Variants in DNAH10 observed in about 807,000 individuals in gnomAD.
DNAH10 encodes axonemal beta dynein heavy chain 10.
A neutral mutation model predicts 506.6 loss-of-function variants in DNAH10; 348 were observed. The ratio of observed to expected loss-of-function variants is 0.69; its 90% CI spans 0.63 to 0.75. The LOEUF (loss-of-function observed/expected upper bound fraction) is 0.75, where lower values mean the gene tolerates loss of function less well. Ranked by LOEUF, DNAH10 falls within the 30% of genes least tolerant of loss-of-function variation. The probability of loss-of-function intolerance (pLI) is 0.00; values close to 1 mark genes in which losing one functional copy is unlikely to be tolerated. For missense variants in DNAH10, 5,179 were observed against 5,787.1 expected (o/e 0.89, Z 3.41); for synonymous variants, 2,059 against 2,198.6 (o/e 0.94, Z 1.78).
rs1387470038 is a variant in DNAH10 at position 123,818,932 on chromosome 12, T to G, written c.3781-18T>G. 1 of 1,521,222 alleles carries G rather than the reference T, an allele frequency of 6.6e-7. No individual in the cohort carries two copies. 94.2% of individuals were successfully genotyped at this position (1,521,222 alleles called of 1,614,324 possible). A position where few individuals can be genotyped will look rare whatever the true frequency, so the allele number is the denominator to read the frequency against. On this transcript the variant is annotated intron_variant, in intron 21 of 78. Transcript: ENST00000673944. ...TCATCATTTGTTGTTTATTCTGTTTTTTGTTTCTCCTAATTAGCCTCCTGA... is the reference window on the plus strand; with the variant it reads ...TCATCATTTGTTGTTTATTCTGTTTGTTGTTTCTCCTAATTAGCCTCCTGA...
rs140148939 is a variant in DNAH10 at position 123,789,544 on chromosome 12, C to A, written c.1621-383C>A. ...GATTACAGGCATGCACCACCACACC[C>A]GGCTAATTTTTGTATTTTTAGCAGA... On this transcript the variant is annotated intron_variant, in intron 10 of 78. Transcript: ENST00000673944. Among the ~76,000 whole-genome samples the A allele has an allele frequency of 9.7e-3, 1,474 of 152,130 alleles. 18 individuals are homozygous for A. The highest frequency in any genetic ancestry group is 0.016 in the Non-Finnish European group (1,064 of 67,988).
chr12:123,832,513 AT>A (rs879362943), intron 26 of DNAH10, among the ~76,000 whole-genome samples: 219 of 146,830 alleles, frequency 1.5e-3, no homozygotes, highest in Non-Finnish European at 1.3e-3. Flanking sequence ...ATCAATACAG[AT>A]TTTTTTTTTT....
Position 123,924,722 on chromosome 12 carries a change from C to T in DNAH10, c.11766+290C>T, listed in dbSNP as rs530944916. Among the ~76,000 whole-genome samples the T allele has an allele frequency of 9.1e-4, 139 of 152,186 alleles. 2 individuals carry two copies. Among genetic ancestry groups the T allele is most frequent in the African/African-American group, 3.2e-3 (133 of 41,508 alleles). On this transcript the variant is annotated intron_variant, in intron 67 of 78. Coordinates refer to ENST00000673944, the MANE Select transcript of DNAH10 (RefSeq NM_001372106.1). ...TTCATCTACCCATCTGCCCACCCACCCATCTACTCATCCATCCATCCATCC... is the reference window on the plus strand; with the variant it reads ...TTCATCTACCCATCTGCCCACCCACTCATCTACTCATCCATCCATCCATCC...
intron 46 of DNAH10, among the ~76,000 whole-genome samples, chr12:123,874,520 C>T (rs11833681): frequency 0.034 from 5,136 of 151,654 alleles, 254 homozygotes; most frequent in African/African-American, 0.11. Flanking sequence ...TCCATCTACC[C>T]GTCCATTTAT....
intron 69 of DNAH10, chr12:123,927,080 T>C (rs189176141): frequency 1.6e-4 from 77 of 472,970 alleles, no homozygotes; most frequent in African/African-American, 1.4e-3. Flanking sequence ...TCTCACTCTG[T>C]CACCCAGGCT....
intron 57 of DNAH10, chr12:123,908,676 G>A (rs1278984519): frequency 2.4e-6 from 1 of 412,390 alleles, no homozygotes; most frequent in Non-Finnish European, 4.9e-6. Flanking sequence ...CGTTCTGGAG[G>A]AGCAGAGTGA....
At position 123,916,484 on chromosome 12, in the gene DNAH10, C is replaced by T. The variant is rs758664143; in HGVS notation, c.10750C>T (p.Leu3584Phe). Reference protein sequence around the residue: ...RVASFNDPDFLKQLEMSIKYG... With the variant: ...RVASFNDPDFFKQLEMSIKYG... ...CGCTTCCTTTAATGACCCTGACTTC[C>T]TCAAGCAGCTAGAGATGTCCATAAA... Residue 3584 changes from leucine (L) to phenylalanine (F), a missense_variant, in exon 63 of 79, where the codon CTC (leucine) becomes TTC (phenylalanine). Physicochemically the swap from Leu to Phe is conservative, Grantham distance 22. This residue lies in a region of DNAH10 where 4,844 missense variants were observed against 5,430.5 expected (regional missense o/e 0.89). Coordinates refer to ENST00000673944, the MANE Select transcript of DNAH10 (RefSeq NM_001372106.1). This position sits in a 1 kb window ranked among gnomAD's most constrained non-coding sequence, Gnocchi z 4.6. The T allele has an allele frequency of 6.2e-7, 1 of 1,612,128 alleles. No homozygotes were observed. Among genetic ancestry groups the T allele is most frequent in the Admixed American group, 1.7e-5 (1 of 59,800 alleles).
chr12:123,839,459 A>G (rs752002482), intron 29 of DNAH10, among the ~76,000 whole-genome samples: 10 of 152,136 alleles, frequency 6.6e-5, no homozygotes, highest in Non-Finnish European at 1.0e-4. Flanking sequence ...AGCTGTTGTA[A>G]AAATGAAATG....
Position 123,916,567 on chromosome 12 carries a change from C to A in DNAH10, c.10833C>A (p.Asp3611Glu), listed in dbSNP as rs753220452. The A allele has an allele frequency of 6.2e-7, 1 of 1,613,890 alleles. No homozygotes were observed. Among genetic ancestry groups the A allele is most frequent in the Admixed American group, 1.7e-5 (1 of 60,020 alleles). Reference sequence around the variant, plus strand: ...ATGAATACATCGATCCTGTGATTGACAACGTCTTAGAAAAAAATATAAAAG... The same window carrying A: ...ATGAATACATCGATCCTGTGATTGAAAACGTCTTAGAAAAAAATATAAAAG... ...DVDEYIDPVI[D>E]NVLEKNIKVS... Residue 3611 changes from aspartate to glutamate, a missense_variant, in exon 63 of 79, where the codon GAC becomes GAA. Asp to Glu is a conservative substitution (Grantham distance 45, BLOSUM62 2). Transcript: ENST00000673944. This position sits in a 1 kb window ranked among gnomAD's most constrained non-coding sequence, Gnocchi z 4.6.
intron 21 of DNAH10, 186 bp downstream of exon 21, chr12:123,814,098 A>G (rs1959052032): frequency 3.6e-6 from 2 of 561,712 alleles, no homozygotes; most frequent in Non-Finnish European, 6.0e-6. Context: ...GTATTTTTCA[A>G]TCTGTATGGC....
Position 123,913,823 on chromosome 12 carries a change from G to GT in DNAH10, c.10353-505dup, listed in dbSNP as rs1566094173. ...GGCAACAATTTTGAATCTAGCATCT[G>GT]TAAGTGTGGTGTAGAAAACACTGAA... On this transcript the variant is annotated intron_variant, in intron 60 of 78. Transcript: ENST00000673944. This position sits in a 1 kb window ranked among gnomAD's most constrained non-coding sequence, Gnocchi z 5.1. Among the ~76,000 whole-genome samples the GT allele has an allele frequency of 6.6e-6, 1 of 152,236 alleles. No homozygotes were observed. Among genetic ancestry groups the GT allele is most frequent in the African/African-American group, 2.4e-5 (1 of 41,464 alleles).
chr12:123,788,105 C>A, intron 10 of DNAH10, 103 bp downstream of exon 10: 1 of 1,327,464 alleles, frequency 7.5e-7, no homozygotes, highest in Non-Finnish European at 1.1e-6. Context: ...TCAGAAAGGG[C>A]CTGGCAGGGA....
chr12:123,856,535 C>T (rs1951398924), intron 36 of DNAH10, among the ~76,000 whole-genome samples: 1 of 150,686 alleles, frequency 6.6e-6, no homozygotes, highest in Non-Finnish European at 1.5e-5. Context: ...TGTGATTTCA[C>T]CATGTCGGCC....
At chr12:123,922,060 G>A (rs925375116) in intron 65 of DNAH10, among the ~76,000 whole-genome samples, 11 of 151,820 alleles carry the variant, frequency 7.2e-5, no homozygotes, top group African/African-American at 2.7e-4. Context: ...CAATTTTCTG[G>A]GAGCTTATAC....
intron 4 of DNAH10, among the ~76,000 whole-genome samples, chr12:123,773,547 CT>C (rs1298622913): frequency 6.6e-6 from 1 of 152,200 alleles, no homozygotes; most frequent in East Asian, 1.9e-4. Context: ...TCTCACAGCT[CT>C]GGAGGCTGGG....
intron 60 of DNAH10, among the ~76,000 whole-genome samples, chr12:123,914,021 A>T (rs1385737344): frequency 6.6e-6 from 1 of 152,158 alleles, no homozygotes; most frequent in Non-Finnish European, 1.5e-5. Context: ...TATGTCTTTG[A>T]TTAAGGCTTC....
rs1356305737 is a variant in DNAH10 at position 123,903,420 on chromosome 12, G to A, written c.9815+307G>A. Among the ~76,000 whole-genome samples the A allele has an allele frequency of 6.6e-6, 1 of 152,194 alleles. No homozygotes were observed. The highest frequency in any genetic ancestry group is 2.4e-5 in the African/African-American group (1 of 41,448). On this transcript the variant is annotated intron_variant, in intron 57 of 78. Transcript: ENST00000673944. The surrounding 1 kb of genome is among the most constrained non-coding windows in gnomAD (Gnocchi z 4.6). ...AAACAGTGCTCTTCACGGAACATGC[G>A]GGGGCAAGTGTCCGCCCTAAGCAGG...
intron 7 of DNAH10, among the ~76,000 whole-genome samples, chr12:123,783,642 C>T (rs1184470798): frequency 6.6e-6 from 1 of 152,204 alleles, no homozygotes; most frequent in Non-Finnish European, 1.5e-5. Context: ...CTGAATCTCT[C>T]AGTTCTAGAC....
chr12:123,774,123 T>C (rs768080059), intron 4 of DNAH10, 26 bp from the exon 5 acceptor site: 1 of 1,507,542 alleles, frequency 6.6e-7, no homozygotes, highest in African/African-American at 1.4e-5. Flanking sequence ...CCACTGACCT[T>C]ACATTCTACA....
Sources: gnomAD v4.1 joint callset for allele counts (sites outside exome capture counted in the v4.1 genomes callset) on GRCh38, gnomAD v4.1.1 for gene constraint, gnomAD v4.1.1 regional missense constraint, Gnocchi (gnomAD v3.1) non-coding constraint, MANE v1.5 for transcripts, NCBI Gene and HGNC (gene_info 2026-07-23, HGNC 2026-07-21) for gene names.